Variants in CELSR1 observed in about 807,000 individuals in gnomAD.
The protein encoded by CELSR1 is cadherin EGF LAG seven-pass G-type receptor 1, also known as adhesion G protein-coupled receptor C1.
In CELSR1, 110 loss-of-function variants were observed where a neutral mutation model predicts 249.1. That is an observed-to-expected ratio of 0.44 (90% CI 0.38 to 0.52). CELSR1 has a LOEUF of 0.52. Ranked by LOEUF, CELSR1 falls within the 20% of genes least tolerant of loss-of-function variation. The probability of loss-of-function intolerance (pLI) is 0.00; values close to 1 mark genes in which losing one functional copy is unlikely to be tolerated. For synonymous variants in CELSR1, 2,113 were observed against 1,900.0 expected, an observed-to-expected ratio of 1.11 and a Z score of -2.92; for missense variants, 4,109 against 4,296.4, an observed-to-expected ratio of 0.96 and a Z score of 1.22.
Position 46,378,783 on chromosome 22 carries a change from C to A in CELSR1, c.7257-66G>T, listed in dbSNP as rs1191219120. ...CCTCTGCCCATGAGTCTGTAAAGGG[C>A]AGCCTTTGCCCAGCCCTGGGGGCTC... On this transcript the variant is annotated intron_variant, in intron 22 of 34. Coordinates refer to ENST00000674500, the MANE Select transcript of CELSR1 (RefSeq NM_001378328.1). 2.6e-6 allele frequency: 4 copies of A among 1,555,380 alleles called. No individual in the cohort carries two copies. In the African/African-American group the frequency reaches 4.0e-5, roughly 16 times the overall value.
At position 46,390,550 on chromosome 22, in the gene CELSR1, T is replaced by G; in HGVS notation, c.6251-64A>C. The G allele has an allele frequency of 7.7e-7, 1 of 1,297,848 alleles. No individual in the cohort carries two copies. The highest frequency in any genetic ancestry group is 1.1e-6 in the Non-Finnish European group (1 of 906,908). The allele number at this position is 1,297,848 out of a possible 1,614,324, so 80.4% of individuals were successfully genotyped here. Reference sequence around the variant, plus strand: ...AACTGTTGATCAATGCTTGTGTATTTCAATCCACAATCTGAATATACTTAA... The same window carrying G: ...AACTGTTGATCAATGCTTGTGTATTGCAATCCACAATCTGAATATACTTAA... On this transcript the variant is annotated intron_variant, in intron 16 of 34. Coordinates refer to ENST00000674500, the MANE Select transcript of CELSR1 (RefSeq NM_001378328.1). This position sits in a 1 kb window ranked among gnomAD's most constrained non-coding sequence, Gnocchi z 6.3.
intron 5 of CELSR1, among the ~76,000 whole-genome samples, chr22:46,416,837 G>T (rs2079408402): frequency 6.6e-6 from 1 of 152,112 alleles, no homozygotes; most frequent in Non-Finnish European, 1.5e-5. Context: ...GGGAGTTTCT[G>T]TGTGCGCACA....
chr22:46,460,921 T>C (rs548219260), intron 2 of CELSR1, among the ~76,000 whole-genome samples: 3 of 152,194 alleles, frequency 2.0e-5, no homozygotes, highest in Non-Finnish European at 2.9e-5. Flanking sequence ...GAGCTTTTCC[T>C]GAAATTAATT....
intron 24 of CELSR1, among the ~76,000 whole-genome samples, chr22:46,373,658 T>A (rs866950417): frequency 4.2e-5 from 2 of 48,012 alleles, no homozygotes; most frequent in Admixed American, 3.3e-4. Flanking sequence ...AATGGGGAGA[T>A]GGGGGAGAAG....
At chr22:46,432,359 T>C (rs923758194) in intron 5 of CELSR1, among the ~76,000 whole-genome samples, 1 of 152,122 alleles carries the variant, frequency 6.6e-6, no homozygotes, top group Admixed American at 6.5e-5. Flanking sequence ...GCTCTCTCCA[T>C]AGAAGGACTG....
chr22:46,420,122 ACACT>A (rs1414758297), intron 5 of CELSR1, among the ~76,000 whole-genome samples: 1 of 150,106 alleles, frequency 6.7e-6, no homozygotes, highest in East Asian at 2.0e-4. Flanking sequence ...ATCCACATTC[ACACT>A]CACATATACA....
rs2078847707 is a variant in CELSR1, at chr22:46,371,203, G to A, written c.7760-1399C>T. Among the ~76,000 whole-genome samples the A allele has an allele frequency of 2.6e-5, 4 of 152,172 alleles. No homozygotes were observed. In the South Asian group the frequency reaches 8.3e-4, roughly 31 times the overall value. ...CAGGGTCCCTTAGAGTAAGGGAGAT[G>A]AGTCACATCAGAACACCCTAGCCAG... is the stretch of plus-strand genomic sequence containing the variant. On this transcript the variant is annotated intron_variant, in intron 25 of 34. Transcript: ENST00000674500.
intron 27 of CELSR1, among the ~76,000 whole-genome samples, chr22:46,368,128 C>T (rs1401871702): frequency 6.6e-6 from 1 of 152,172 alleles, no homozygotes; most frequent in Non-Finnish European, 1.5e-5. Flanking sequence ...AGGACTACAC[C>T]AGGCCAAGGG....
At chr22:46,368,197 AG>A (rs1462822173) in intron 27 of CELSR1, among the ~76,000 whole-genome samples, 5 of 152,176 alleles carry the variant, frequency 3.3e-5, no homozygotes, top group Non-Finnish European at 1.5e-5. Context: ...GAGAGGCAAG[AG>A]GAAGAGCCCA....
rs2078722770 is a variant in CELSR1, at chr22:46,363,043, T to A, written c.*180A>T. The A allele has an allele frequency of 1.5e-6, 2 of 1,320,408 alleles. No homozygotes were observed. Among genetic ancestry groups the A allele is most frequent in the Admixed American group, 1.9e-5 (1 of 53,530 alleles). The allele number at this position is 1,320,408 out of a possible 1,614,324, so 81.8% of individuals were successfully genotyped here. A position where few individuals can be genotyped will look rare whatever the true frequency, so the allele number is the denominator to read the frequency against. On this transcript the variant is annotated 3_prime_UTR_variant, in exon 35 of 35. Coordinates refer to ENST00000674500, the MANE Select transcript of CELSR1 (RefSeq NM_001378328.1). This position sits in a 1 kb window ranked among gnomAD's most constrained non-coding sequence, Gnocchi z 4.3. Reference sequence around the variant, plus strand: ...TCCTGGGAGAACCAAGACCTTTGTGTCTGGATGATCAGTCGGGGGGCTGCC... The same window carrying A: ...TCCTGGGAGAACCAAGACCTTTGTGACTGGATGATCAGTCGGGGGGCTGCC...
In CELSR1 at chr22:46,433,693, T is replaced by C. The variant is rs1357704051; in HGVS notation, c.4523-212A>G. On this transcript the variant is annotated intron_variant, in intron 4 of 34. Transcript: ENST00000674500. This position sits in a 1 kb window ranked among gnomAD's most constrained non-coding sequence, Gnocchi z 5.7. Reference sequence around the variant, plus strand: ...AATTCTTGTTCCTCTTTTCTGGTTTTGTTTGTTTTGAGATGGAGTCTTGCT... The same window carrying C: ...AATTCTTGTTCCTCTTTTCTGGTTTCGTTTGTTTTGAGATGGAGTCTTGCT... Among the ~76,000 whole-genome samples, 1 of 152,170 alleles carries C rather than the reference T, an allele frequency of 6.6e-6. No individual in the cohort carries two copies. The highest frequency in any genetic ancestry group is 6.5e-5 in the Admixed American group (1 of 15,276).
intron 3 of CELSR1, among the ~76,000 whole-genome samples, chr22:46,438,937 T>C (rs907870280): frequency 1.3e-5 from 2 of 152,166 alleles, no homozygotes; most frequent in South Asian, 2.1e-4. Flanking sequence ...TTTGTGTTTT[T>C]AGTAGAGATG....
At chr22:46,457,054 C>A (rs1027834913) in intron 2 of CELSR1, among the ~76,000 whole-genome samples, 2 of 152,150 alleles carry the variant, frequency 1.3e-5, no homozygotes, top group African/African-American at 2.4e-5. Context: ...AGGGAGCACC[C>A]GACACTCCCG....
At chr22:46,466,888 T>G (rs1194255755) in intron 1 of CELSR1, among the ~76,000 whole-genome samples, 1 of 152,076 alleles carries the variant, frequency 6.6e-6, no homozygotes, top group African/African-American at 2.4e-5. Flanking sequence ...GGGATTTGCA[T>G]CCTCACAGGA....
chr22:46,509,412 G>A (rs1040477473), intron 1 of CELSR1, among the ~76,000 whole-genome samples: 17 of 152,216 alleles, frequency 1.1e-4, no homozygotes, highest in African/African-American at 4.1e-4. Flanking sequence ...GGGACCCACA[G>A]GCTACTGTTC....
At position 46,489,507 on chromosome 22, in the gene CELSR1, C is replaced by A. The variant is rs181821482; in HGVS notation, c.3545-25162G>T. ...ATCCACTGCTTGGATTCTGAGGGCC[C>A]CTGGTGGCCCCAGACTGCCCCTAAC... On this transcript the variant is annotated intron_variant, in intron 1 of 34. Transcript: ENST00000674500. Among the ~76,000 whole-genome samples, 5 of 152,114 alleles carry A rather than the reference C, an allele frequency of 3.3e-5. No homozygotes were observed. In the East Asian group the frequency reaches 9.8e-4, roughly 30 times the overall value.
intron 30 of CELSR1, 72 bp downstream of exon 30, chr22:46,366,314 G>C (rs2078780355): frequency 8.2e-7 from 1 of 1,215,122 alleles, no homozygotes; most frequent in Admixed American, 2.2e-5. Flanking sequence ...GCAGGACACA[G>C]GTTGGGGTGG....
Position 46,423,110 on chromosome 22 carries a change from G to A in CELSR1, c.4611+10283C>T, listed in dbSNP as rs1243216916. ...AAGGCCTGGAAAGCACCGTGCACTG[G>A]GACTCGCCCTCTCTGGCTGCTAGGA... On this transcript the variant is annotated intron_variant, in intron 5 of 34. Transcript: ENST00000674500. The surrounding 1 kb of genome is among the most constrained non-coding windows in gnomAD (Gnocchi z 5.6). Among the ~76,000 whole-genome samples the A allele has an allele frequency of 2.0e-5, 3 of 152,112 alleles. No homozygotes were observed. Among genetic ancestry groups the A allele is most frequent in the African/African-American group, 4.8e-5 (2 of 41,408 alleles).
chr22:46,382,040 CAGGG>C lies in CELSR1; in HGVS notation c.6890_6893del (p.Pro2297ArgfsTer2). ...TGGTCCTCCGGCCAGCCGGCCTCAG[CAGGG>C]GGCCTTCTGCAATGTGAGCAGAAGG... On this transcript the variant is annotated frameshift_variant, in exon 21 of 35. Coordinates refer to ENST00000674500, the MANE Select transcript of CELSR1 (RefSeq NM_001378328.1). LOFTEE classifies it high-confidence loss of function. 1 of 1,538,812 alleles carries C rather than the reference CAGGG, an allele frequency of 6.5e-7. No individual in the cohort carries two copies.
Sources: allele counts gnomAD v4.1 joint callset (sites outside exome capture counted in the v4.1 genomes callset), GRCh38; gene constraint gnomAD v4.1.1; non-coding constraint Gnocchi (gnomAD v3.1); transcripts MANE v1.5; gene names NCBI Gene and HGNC (gene_info 2026-07-23, HGNC 2026-07-21).